Variants in SCAF1 observed in about 807,000 individuals in gnomAD.
The protein encoded by SCAF1 is SR-related CTD associated factor 1, also known as splicing factor, arginine/serine-rich 19.
In SCAF1, 28 loss-of-function variants were observed where a neutral mutation model predicts 91.2. That is an observed-to-expected ratio of 0.31 (90% CI 0.23 to 0.42). SCAF1 has a LOEUF of 0.42. SCAF1 is among the 10% of genes least tolerant of loss of function. The pLI is 1.00. For synonymous variants in SCAF1, 1,036 were observed against 833.7 expected, an observed-to-expected ratio of 1.24 and a Z score of -4.18; for missense variants, 1,893 against 1,872.1, an observed-to-expected ratio of 1.01 and a Z score of -0.21.
Position 49,652,252 on chromosome 19 carries a change from A to G in SCAF1, c.1863A>G (p.Ser621=), listed in dbSNP as rs759392258. The change falls in exon 7 of 11, where the codon TCA becomes TCG. Residue 621 remains serine, a synonymous_variant. Coordinates refer to ENST00000360565, the MANE Select transcript of SCAF1 (RefSeq NM_021228.3). ...CCTCCCCGCCCCCGGCCACTTCCTC[A>G]TCGTCGTCCTCGAGGCGCGAGCGGC... ...RSASPPPATS[S]SSSSRRERHR... 3.4e-5 allele frequency: 49 copies of G among 1,422,980 alleles called. No individual in the cohort carries two copies. The highest frequency in any genetic ancestry group is 2.0e-4 in the Middle Eastern group (1 of 5,112). The allele number at this position is 1,422,980 out of a possible 1,614,324, so 88.1% of individuals were successfully genotyped here.
chr19:49,653,672 G>C lies in SCAF1; in HGVS notation c.3283G>C (p.Gly1095Arg). 6.3e-7 allele frequency: 1 copy of C among 1,586,378 alleles called. No homozygotes were observed. Among genetic ancestry groups the C allele is most frequent in the Non-Finnish European group, 8.5e-7 (1 of 1,171,558 alleles). The change falls in exon 7 of 11, where the codon GGT becomes CGT. Residue 1095 changes from glycine (G) to arginine (R), a missense_variant. Physicochemically the swap from Gly to Arg is moderately radical, Grantham distance 125. This residue lies in a region of SCAF1 where 1,436 missense variants were observed against 1,306.8 expected (regional missense o/e 1.10). Coordinates refer to ENST00000360565, the MANE Select transcript of SCAF1 (RefSeq NM_021228.3). ...GCCCATGCCCTGGAATCTGCCAGCT[G>C]GTGTGGACTGCACCACCAGCGGCGT... ...PPPMPWNLPA[G>R]VDCTTSGVLA...
intron 1 of SCAF1, among the ~76,000 whole-genome samples, chr19:49,643,431 G>C (rs933187651): frequency 6.6e-6 from 1 of 152,132 alleles, no homozygotes; most frequent in East Asian, 1.9e-4. Flanking sequence ...GAACTATTTT[G>C]TTCTATTTAC....
chr19:49,658,140 C>T lies in SCAF1; in HGVS notation c.3748-68C>T, dbSNP rs953096067. On this transcript the variant is annotated intron_variant, in intron 10 of 10. Coordinates refer to ENST00000360565, the MANE Select transcript of SCAF1 (RefSeq NM_021228.3). ...CCTCCTACCGCAGTTCCAAGCTGCG[C>T]CCAACAGTCCTGGGTGGATGGGGCC... The T allele has an allele frequency of 1.7e-5, 26 of 1,513,876 alleles. No homozygotes were observed. In the South Asian group the frequency reaches 3.0e-4, roughly 18 times the overall value. 93.8% of individuals were successfully genotyped at this position (1,513,876 alleles called of 1,614,324 possible). A position where few individuals can be genotyped will look rare whatever the true frequency, so the allele number is the denominator to read the frequency against.
chr19:49,647,409 C>T (rs1196592728), intron 6 of SCAF1, among the ~76,000 whole-genome samples: 3 of 152,248 alleles, frequency 2.0e-5, no homozygotes, highest in Non-Finnish European at 4.4e-5. Context: ...AGTTCTGATT[C>T]TGCAGGTCTG....
At chr19:49,655,551 G>A (rs779361363) in intron 9 of SCAF1, among the ~76,000 whole-genome samples, 42 of 152,090 alleles carry the variant, frequency 2.8e-4, no homozygotes, top group Non-Finnish European at 5.3e-4. Flanking sequence ...ATTTTTAGTA[G>A]AGACGGCATT....
Position 49,651,510 on chromosome 19 carries a change from C to T in SCAF1, c.1121C>T (p.Ala374Val), listed in dbSNP as rs1451667080. 1.3e-6 allele frequency: 2 copies of T among 1,573,168 alleles called. No homozygotes were observed. The highest frequency in any genetic ancestry group is 1.2e-5 in the South Asian group (1 of 86,496). Residue 374 changes from alanine (A) to valine (V), a missense_variant, in exon 7 of 11, where the codon GCT (alanine) becomes GTT (valine). Physicochemically the swap from Ala to Val is moderately conservative, Grantham distance 64. Coordinates refer to ENST00000360565, the MANE Select transcript of SCAF1 (RefSeq NM_021228.3). ...EGKVSVEVVT[A>V]GGAALPPPLL... ...AAGGTCTCGGTGGAGGTGGTGACCG[C>T]TGGTGGAGCCGCCCTCCCGCCGCCC...
At position 49,651,715 on chromosome 19, in the gene SCAF1, G is replaced by A. The variant is rs892751058; in HGVS notation, c.1326G>A (p.Glu442=). Residue 442 remains glutamate, a synonymous_variant, in exon 7 of 11, where the codon GAG becomes GAA. Coordinates refer to ENST00000360565, the MANE Select transcript of SCAF1 (RefSeq NM_021228.3). ...AGCCTCCCGCTCCGCGGGCCCCCGAGGGGGACGACTTCTTGTCCCTGCATG... is the reference window on the plus strand; with the variant it reads ...AGCCTCCCGCTCCGCGGGCCCCCGAAGGGGACGACTTCTTGTCCCTGCATG... ...LPQPPAPRAP[E]GDDFLSLHAE... 2 of 1,380,546 alleles carry A rather than the reference G, an allele frequency of 1.4e-6. No individual in the cohort carries two copies. The highest frequency in any genetic ancestry group is 1.9e-6 in the Non-Finnish European group (2 of 1,078,220). The allele number at this position is 1,380,546 out of a possible 1,614,324, so 85.5% of individuals were successfully genotyped here. A position where few individuals can be genotyped will look rare whatever the true frequency, so the allele number is the denominator to read the frequency against.
upstream of SCAF1, among the ~76,000 whole-genome samples, chr19:49,641,798 T>C (rs1237563795): frequency 6.6e-6 from 1 of 152,210 alleles, no homozygotes; most frequent in Admixed American, 6.5e-5. Flanking sequence ...CCCCAGAATG[T>C]GGGCAGCACA....
chr19:49,651,694 T>C lies in SCAF1; in HGVS notation c.1305T>C (p.Pro435=), dbSNP rs1255170782. Residue 435 remains proline (P), a synonymous_variant, in exon 7 of 11, where the codon CCT becomes CCC. Transcript: ENST00000360565. ...CCACGGCCCAGCCCCTTCCTCAGCC[T>C]CCCGCTCCGCGGGCCCCCGAGGGGG... The part of the protein sequence containing the change: ...ATPTAQPLPQ[P]PAPRAPEGDD... 7.2e-7 allele frequency: 1 copy of C among 1,390,852 alleles called. No individual in the cohort carries two copies. 86.2% of individuals were successfully genotyped at this position (1,390,852 alleles called of 1,614,324 possible).
chr19:49,646,025 A>T lies in SCAF1; in HGVS notation c.167-83A>T. 1 of 1,273,848 alleles carries T rather than the reference A, an allele frequency of 7.9e-7. No homozygotes were observed. 78.9% of individuals were successfully genotyped at this position (1,273,848 alleles called of 1,614,324 possible). ...GAGGCTGGTTCCGCTGTCAGGAACT[A>T]GATCAAGCTCCTCTTTCCTCTACCC... On this transcript the variant is annotated intron_variant, in intron 3 of 10. Coordinates refer to ENST00000360565, the MANE Select transcript of SCAF1 (RefSeq NM_021228.3). The surrounding 1 kb of genome is among the most constrained non-coding windows in gnomAD (Gnocchi z 5.6).
chr19:49,653,494 AGAG>A lies in SCAF1; in HGVS notation c.3115_3117del (p.Glu1039del), dbSNP rs755256782. The A allele has an allele frequency of 6.4e-6, 10 of 1,561,864 alleles. No individual in the cohort carries two copies. The highest frequency in any genetic ancestry group is 2.4e-5 in the South Asian group (2 of 83,016). On this transcript the variant is annotated inframe_deletion, in exon 7 of 11. Transcript: ENST00000360565. Reference sequence around the variant, plus strand: ...AAGAAGAAGAGGAGGAGGAAGAGGAAGAGGAGGAGGAGCAGCAGCCTGCTACCA... The same window carrying A: ...AAGAAGAAGAGGAGGAGGAAGAGGAAGAGGAGGAGCAGCAGCCTGCTACCA...
chr19:49,641,970 T>G (rs1348804789), upstream of SCAF1, among the ~76,000 whole-genome samples: 2 of 152,194 alleles, frequency 1.3e-5, no homozygotes, highest in Non-Finnish European at 2.9e-5. Context: ...ACTTCACCTC[T>G]CACCCCATTA....
chr19:49,654,458 GC>G (rs80247847), intron 8 of SCAF1, 27 bp downstream of exon 8: 1 of 1,602,158 alleles, frequency 6.2e-7, no homozygotes, highest in East Asian at 2.2e-5. Context: ...GAGAGTCCCT[GC>G]CGCCCCTTCT....
At chr19:49,643,063 A>AAT (rs2081036179) in intron 1 of SCAF1, among the ~76,000 whole-genome samples, 1 of 152,238 alleles carries the variant, frequency 6.6e-6, no homozygotes, top group South Asian at 2.1e-4. Context: ...TGTGGCGAAT[A>AAT]ATAATACGGA....
chr19:49,652,468 C>A lies in SCAF1; in HGVS notation c.2079C>A (p.Leu693=), dbSNP rs1342906233. The A allele has an allele frequency of 1.9e-6, 3 of 1,599,862 alleles. No individual in the cohort carries two copies. The highest frequency in any genetic ancestry group is 3.4e-5 in the Admixed American group (2 of 58,712). Residue 693 remains leucine (L), a synonymous_variant, in exon 7 of 11, where the codon CTC becomes CTA. Coordinates refer to ENST00000360565, the MANE Select transcript of SCAF1 (RefSeq NM_021228.3). ...CCGTGCCACCCTCCATCCAGGACCT[C>A]ACGGACCACGACCTCTTCGCCATCA... ...RGAVPPSIQD[L]TDHDLFAIKR...
rs1198973419 is a variant in SCAF1 at position 49,651,705 on chromosome 19, G to C, written c.1316G>C (p.Arg439Pro). The C allele has an allele frequency of 7.2e-7, 1 of 1,383,368 alleles. No individual in the cohort carries two copies. The highest frequency in any genetic ancestry group is 9.3e-7 in the Non-Finnish European group (1 of 1,079,862). The allele number at this position is 1,383,368 out of a possible 1,614,324, so 85.7% of individuals were successfully genotyped here. A position where few individuals can be genotyped will look rare whatever the true frequency, so the allele number is the denominator to read the frequency against. The stretch of plus-strand genomic sequence containing the variant: ...CCCCTTCCTCAGCCTCCCGCTCCGC[G>C]GGCCCCCGAGGGGGACGACTTCTTG... ...AQPLPQPPAP[R>P]APEGDDFLSL... Residue 439 changes from arginine to proline, a missense_variant, in exon 7 of 11, where the codon CGG becomes CCG. By Grantham distance (103) the Arg-to-Pro change is moderately radical. Around this residue, in one of 5 missense-constraint regions of SCAF1, gnomAD observed 1,436 missense variants for 1,306.8 expected, o/e 1.10. Transcript: ENST00000360565.
intron 9 of SCAF1, 54 bp downstream of exon 9, chr19:49,654,924 G>A: frequency 1.5e-6 from 2 of 1,375,690 alleles, no homozygotes; most frequent in South Asian, 1.5e-5. Flanking sequence ...TAGAGAATAT[G>A]GACAGGAACT....
Position 49,653,585 on chromosome 19 carries a change from G to C in SCAF1, c.3196G>C (p.Gly1066Arg). Residue 1066 changes from glycine to arginine, a missense_variant, in exon 7 of 11, where the codon GGT becomes CGT. Physicochemically the swap from Gly to Arg is moderately radical, Grantham distance 125 (BLOSUM62 -2). This residue lies in a region of SCAF1 where 1,436 missense variants were observed against 1,306.8 expected (regional missense o/e 1.10). Transcript: ENST00000360565. ...STAPSAGSTA[G>R]DSGAEDGPAS... ...TGCCCCCAGCGCGGGGTCCACAGCC[G>C]GTGACTCGGGGGCGGAGGACGGGCC... The C allele has an allele frequency of 6.3e-7, 1 of 1,587,074 alleles. No homozygotes were observed. Among genetic ancestry groups the C allele is most frequent in the Non-Finnish European group, 8.5e-7 (1 of 1,171,666 alleles).
chr19:49,640,532 G>A (rs2081021013), upstream of SCAF1, among the ~76,000 whole-genome samples: 1 of 152,192 alleles, frequency 6.6e-6, no homozygotes, highest in African/African-American at 2.4e-5. Flanking sequence ...TATGGTAGGC[G>A]GAGCTCGTCG....
Sources: gnomAD v4.1 joint callset for allele counts (sites outside exome capture counted in the v4.1 genomes callset) on GRCh38, gnomAD v4.1.1 for gene constraint, gnomAD v4.1.1 regional missense constraint, Gnocchi (gnomAD v3.1) non-coding constraint, MANE v1.5 for transcripts, NCBI Gene and HGNC (gene_info 2026-07-23, HGNC 2026-07-21) for gene names.